SIL1: variants seen among roughly 807,000 people sequenced by gnomAD.
SIL1 encodes SIL1 nucleotide exchange factor.
Under a neutral mutation model 49.1 loss-of-function variants are expected in SIL1, and 40 were observed. The ratio of observed to expected loss-of-function variants is 0.81; its 90% CI spans 0.63 to 1.06. SIL1 has a LOEUF of 1.06. SIL1 is among the 50% of genes least tolerant of loss of function. The pLI is 0.00. For missense variants in SIL1, 500 were observed against 572.6 expected (o/e 0.87, Z 1.29); for synonymous variants, 253 against 250.8 (o/e 1.01, Z -0.08).
chr5:138,984,887 G>A (rs1210333078), intron 7 of SIL1, among the ~76,000 whole-genome samples: 1 of 152,218 alleles, frequency 6.6e-6, no homozygotes, highest in Non-Finnish European at 1.5e-5. Flanking sequence ...TCAGACACAG[G>A]GGATGAGATG....
At chr5:139,082,059 C>A (rs566330117) in intron 3 of SIL1, among the ~76,000 whole-genome samples, 1 of 152,286 alleles carries the variant, frequency 6.6e-6, no homozygotes, top group East Asian at 1.9e-4. Context: ...TACTGGGCAT[C>A]AGAATAGCTG....
intron 3 of SIL1, among the ~76,000 whole-genome samples, chr5:139,060,649 A>G (rs888660721): frequency 3.9e-5 from 6 of 152,166 alleles, no homozygotes; most frequent in Non-Finnish European, 8.8e-5. Flanking sequence ...AAATAGGTGA[A>G]TTGGATAGTA....
At chr5:139,071,217 G>C (rs1769827200) in intron 3 of SIL1, among the ~76,000 whole-genome samples, 1 of 149,752 alleles carries the variant, frequency 6.7e-6, no homozygotes, top group South Asian at 2.1e-4. Flanking sequence ...AAAAGCAGGG[G>C]GTGGGGGTGG....
chr5:139,025,918 G>T (rs1226246305), intron 6 of SIL1, among the ~76,000 whole-genome samples: 1 of 152,206 alleles, frequency 6.6e-6, no homozygotes, highest in African/African-American at 2.4e-5. Context: ...AATAGGGGTT[G>T]CTGTGCCCCA....
intron 3 of SIL1, among the ~76,000 whole-genome samples, chr5:139,120,164 G>T (rs1194734570): frequency 6.6e-6 from 1 of 152,236 alleles, no homozygotes; most frequent in Non-Finnish European, 1.5e-5. Context: ...TCAGCAAGAA[G>T]CTGGTGAAAC....
At chr5:139,006,660 T>A in intron 7 of SIL1, among the ~76,000 whole-genome samples, 1 of 150,666 alleles carries the variant, frequency 6.6e-6, no homozygotes. Context: ...AGGGATCCAG[T>A]TTCAGCTTTC....
intron 1 of SIL1, among the ~76,000 whole-genome samples, chr5:139,179,553 T>G (rs1751945812): frequency 6.6e-6 from 1 of 152,106 alleles, no homozygotes; most frequent in Non-Finnish European, 1.5e-5. Flanking sequence ...CTTACCCTTC[T>G]CTTATGTAGG....
chr5:139,170,475 C>T (rs1376587601), intron 1 of SIL1, among the ~76,000 whole-genome samples: 4 of 151,062 alleles, frequency 2.6e-5, no homozygotes, highest in Admixed American at 6.6e-5. Context: ...CGTCTCTGCC[C>T]GGCCGCCCAT....
intron 7 of SIL1, among the ~76,000 whole-genome samples, chr5:138,958,818 G>A (rs1216671005): frequency 1.3e-5 from 2 of 151,168 alleles, no homozygotes; most frequent in African/African-American, 4.8e-5. Flanking sequence ...GTCAAATGAT[G>A]ATATTCAAAC....
At chr5:139,098,012 A>C (rs1170025676) in intron 3 of SIL1, among the ~76,000 whole-genome samples, 1 of 152,232 alleles carries the variant, frequency 6.6e-6, no homozygotes, top group African/African-American at 2.4e-5. Flanking sequence ...TAAAATGTCC[A>C]TAGTACCCAA....
intron 4 of SIL1, among the ~76,000 whole-genome samples, chr5:139,045,598 C>A (rs1769140971): frequency 6.6e-6 from 1 of 152,214 alleles, no homozygotes; most frequent in Admixed American, 6.5e-5. Flanking sequence ...CTCCCCTGAG[C>A]ACCAATCAGA....
At chr5:139,093,136 C>G (rs570651697) in intron 3 of SIL1, among the ~76,000 whole-genome samples, 22 of 152,278 alleles carry the variant, frequency 1.4e-4, no homozygotes, top group Non-Finnish European at 2.5e-4. Flanking sequence ...TTTGTTCCCC[C>G]CCACAAAAGG....
At chr5:139,143,332 C>CATATATATATATAT (rs1228701435) in intron 1 of SIL1, among the ~76,000 whole-genome samples, 1 of 90,578 alleles carries the variant, frequency 1.1e-5, no homozygotes, top group African/African-American at 4.5e-5. Context: ...CACACACACA[C>CATATATATATATAT]ACACACACAC....
intron 7 of SIL1, among the ~76,000 whole-genome samples, chr5:138,960,146 T>G (rs1766986511): frequency 6.6e-6 from 1 of 152,238 alleles, no homozygotes; most frequent in Non-Finnish European, 1.5e-5. Flanking sequence ...AACATGCCAC[T>G]TGGCTACCTA....
At chr5:139,163,011 G>A (rs1751544471) in intron 1 of SIL1, among the ~76,000 whole-genome samples, 1 of 151,974 alleles carries the variant, frequency 6.6e-6, no homozygotes, top group Non-Finnish European at 1.5e-5. Context: ...TAGGCAGAGG[G>A]TACAGGTGGA....
intron 7 of SIL1, among the ~76,000 whole-genome samples, chr5:139,008,423 C>G (rs1768173141): frequency 1.6e-5 from 2 of 122,708 alleles, no homozygotes; most frequent in African/African-American, 7.4e-5. Flanking sequence ...CTCCTGGATT[C>G]ATTGATTTTT....
chr5:139,029,529 T>A (rs905647370), intron 5 of SIL1, among the ~76,000 whole-genome samples: 2 of 151,964 alleles, frequency 1.3e-5, no homozygotes, highest in Admixed American at 6.6e-5. Flanking sequence ...GGAGTCAGGG[T>A]CTCGCTCTAT....
chr5:139,152,654 A>C (rs1285139665), intron 1 of SIL1, among the ~76,000 whole-genome samples: 1 of 152,008 alleles, frequency 6.6e-6, no homozygotes, highest in Non-Finnish European at 1.5e-5. Context: ...AAAAAAAAGA[A>C]TGTAGAGGGA....
chr5:139,065,521 T>C (rs1306328981), intron 3 of SIL1, among the ~76,000 whole-genome samples: 1 of 152,226 alleles, frequency 6.6e-6, no homozygotes, highest in Non-Finnish European at 1.5e-5. Context: ...TACCCTGCTC[T>C]GGGTTTCTGC....
Sources: allele counts gnomAD v4.1 joint callset (sites outside exome capture counted in the v4.1 genomes callset), GRCh38; gene constraint gnomAD v4.1.1; transcripts MANE v1.5; gene names NCBI Gene and HGNC (gene_info 2026-07-23, HGNC 2026-07-21).